SLCO6A1: variants seen among roughly 807,000 people sequenced by gnomAD.
SLCO6A1 encodes the protein cancer/testis antigen 48.
Under a neutral mutation model 72.7 loss-of-function variants are expected in SLCO6A1, and 65 were observed. The observed-to-expected ratio is 0.89, with a 90% CI of 0.73 to 1.10. SLCO6A1 has a LOEUF of 1.10. Ranked by LOEUF, SLCO6A1 falls within the 50% of genes least tolerant of loss-of-function variation. SLCO6A1 has a pLI of 0.00. For synonymous variants in SLCO6A1, 314 were observed against 298.2 expected (o/e 1.05, Z -0.55); for missense variants, 874 against 872.6 (o/e 1.00, Z -0.02).
chr5:102,411,565 C>CCAT (rs1747983052), intron 9 of SLCO6A1, among the ~76,000 whole-genome samples: 1 of 151,570 alleles, frequency 6.6e-6, no homozygotes, highest in Non-Finnish European at 1.5e-5. Context: ...ACACCTGGCC[C>CCAT]CATAGATGTG....
chr5:102,481,611 G>A (rs1252046385), intron 1 of SLCO6A1, among the ~76,000 whole-genome samples: 1 of 152,226 alleles, frequency 6.6e-6, no homozygotes, highest in Admixed American at 6.5e-5. Flanking sequence ...AACTTGCAGA[G>A]TTTATCTTTT....
chr5:102,373,345 G>T lies in SLCO6A1; in HGVS notation c.*7C>A. 1 of 1,544,626 alleles carries T rather than the reference G, an allele frequency of 6.5e-7. No individual in the cohort carries two copies. The highest frequency in any genetic ancestry group is 1.4e-5 in the African/African-American group (1 of 71,926). On this transcript the variant is annotated 3_prime_UTR_variant, in exon 13 of 14. Transcript: ENST00000506729. ...CAATGTGTAATTCTTACACAATGATGATCCAGTTACAAGTCAGTTTCTTCT... is the reference window on the plus strand; with the variant it reads ...CAATGTGTAATTCTTACACAATGATTATCCAGTTACAAGTCAGTTTCTTCT...
chr5:102,470,069 T>A (rs979524167), intron 4 of SLCO6A1, among the ~76,000 whole-genome samples: 1 of 152,198 alleles, frequency 6.6e-6, no homozygotes, highest in Non-Finnish European at 1.5e-5. Context: ...CAGTATTTTA[T>A]TGAGGATTTT....
chr5:102,478,197 T>C (rs1050450216), intron 2 of SLCO6A1, among the ~76,000 whole-genome samples: 1 of 152,188 alleles, frequency 6.6e-6, no homozygotes, highest in Non-Finnish European at 1.5e-5. Flanking sequence ...GTGGGAATCC[T>C]GCAAAAGATG....
chr5:102,438,762 C>A lies in SLCO6A1; in HGVS notation c.1132-1G>T. 1 of 1,524,840 alleles carries A rather than the reference C, an allele frequency of 6.6e-7. No homozygotes were observed. The highest frequency in any genetic ancestry group is 8.7e-7 in the Non-Finnish European group (1 of 1,143,620). 94.5% of individuals were successfully genotyped at this position (1,524,840 alleles called of 1,614,324 possible). A position where few individuals can be genotyped will look rare whatever the true frequency, so the allele number is the denominator to read the frequency against. ...TGAGCACTGGATTCTTCATCAGAAT[C>A]TGAAATAAAAATAAGTTATATATCT... On this transcript the variant is annotated splice_acceptor_variant, in intron 6 of 13. Transcript: ENST00000506729. LOFTEE classifies it high-confidence loss of function.
chr5:102,493,026 T>C (rs1202162521), intron 1 of SLCO6A1, among the ~76,000 whole-genome samples: 1 of 152,132 alleles, frequency 6.6e-6, no homozygotes, highest in East Asian at 1.9e-4. Flanking sequence ...TCTGACAGGT[T>C]TGTGCATTGT....
At chr5:102,465,314 GAT>G (rs10607474) in intron 4 of SLCO6A1, among the ~76,000 whole-genome samples, 84,439 of 149,018 alleles carry the variant, frequency 0.57, 23,698 homozygotes, top group Non-Finnish European at 0.58. Context: ...GGAGTTAGTG[GAT>G]ATATATATAT....
intron 10 of SLCO6A1, among the ~76,000 whole-genome samples, chr5:102,399,240 A>C (rs1278459807): frequency 1.3e-5 from 2 of 150,398 alleles, no homozygotes; most frequent in East Asian, 3.9e-4. Context: ...AATTATAATG[A>C]GTTAACATTA....
intron 6 of SLCO6A1, among the ~76,000 whole-genome samples, chr5:102,449,394 T>C (rs937142189): frequency 1.3e-5 from 2 of 150,442 alleles, no homozygotes; most frequent in South Asian, 2.1e-4. Context: ...ATTTCCTGAT[T>C]TTTTTTTTTT....
intron 9 of SLCO6A1, among the ~76,000 whole-genome samples, chr5:102,407,378 G>A (rs1388706672): frequency 6.6e-6 from 1 of 152,172 alleles, no homozygotes; most frequent in Non-Finnish European, 1.5e-5. Context: ...GGGTACTGCT[G>A]CACAAGGAGC....
At chr5:102,416,019 C>T (rs1184266091) in intron 8 of SLCO6A1, among the ~76,000 whole-genome samples, 2 of 152,098 alleles carry the variant, frequency 1.3e-5, no homozygotes, top group Non-Finnish European at 2.9e-5. Context: ...TGATGTTACC[C>T]TAGTCAGAAT....
At chr5:102,377,042 T>A (rs2112471840) in intron 12 of SLCO6A1, among the ~76,000 whole-genome samples, 1 of 152,162 alleles carries the variant, frequency 6.6e-6, no homozygotes, top group East Asian at 1.9e-4. Context: ...CATGGACCTG[T>A]AATTCTAGCT....
intron 7 of SLCO6A1, 120 bp downstream of exon 7, chr5:102,438,497 C>A (rs1749665496): frequency 6.5e-6 from 5 of 766,506 alleles, no homozygotes; most frequent in African/African-American, 1.9e-5. Flanking sequence ...TTTGTAAAAT[C>A]TGCACAAATC....
chr5:102,407,400 G>T (rs940896885), intron 9 of SLCO6A1, among the ~76,000 whole-genome samples: 3 of 152,136 alleles, frequency 2.0e-5, no homozygotes, highest in Non-Finnish European at 4.4e-5. Context: ...ATACCTCTCT[G>T]CTGCTACTGT....
chr5:102,469,421 G>T (rs931238585), intron 4 of SLCO6A1, among the ~76,000 whole-genome samples: 3 of 151,988 alleles, frequency 2.0e-5, no homozygotes, highest in Non-Finnish European at 4.4e-5. Flanking sequence ...TCTCTTTGTA[G>T]TAATTGTGAA....
intron 6 of SLCO6A1, among the ~76,000 whole-genome samples, chr5:102,440,197 C>T (rs1749756604): frequency 6.6e-6 from 1 of 152,094 alleles, no homozygotes; most frequent in African/African-American, 2.4e-5. Flanking sequence ...TTCCATTCTC[C>T]AGACTTTGAT....
intron 8 of SLCO6A1, among the ~76,000 whole-genome samples, chr5:102,418,551 T>A (rs1748418222): frequency 6.6e-6 from 1 of 152,210 alleles, no homozygotes; most frequent in Non-Finnish European, 1.5e-5. Context: ...GGATAATTAT[T>A]GCTACTGATA....
intron 6 of SLCO6A1, among the ~76,000 whole-genome samples, chr5:102,445,814 T>C (rs575296450): frequency 6.6e-6 from 1 of 152,260 alleles, no homozygotes; most frequent in Non-Finnish European, 1.5e-5. Context: ...GCATCATTTA[T>C]TGAATAGGGA....
At chr5:102,374,365 T>C (rs769134522) in intron 12 of SLCO6A1, among the ~76,000 whole-genome samples, 4 of 152,122 alleles carry the variant, frequency 2.6e-5, no homozygotes, top group Non-Finnish European at 5.9e-5. Context: ...GGGGTACCCC[T>C]AACATAGCTT....
Sources: allele counts gnomAD v4.1 joint callset (sites outside exome capture counted in the v4.1 genomes callset), GRCh38; gene constraint gnomAD v4.1.1; transcripts MANE v1.5; gene names NCBI Gene and HGNC (gene_info 2026-07-23, HGNC 2026-07-21).